Variants in TAOK2 observed in about 807,000 individuals in gnomAD.
The protein encoded by TAOK2 is serine/threonine-protein kinase TAO2.
TAOK2 carries 42 observed loss-of-function variants against 122.5 expected under a neutral mutation model. The observed-to-expected ratio is 0.34, with a 90% CI of 0.27 to 0.44. The LOEUF (loss-of-function observed/expected upper bound fraction) is 0.44, where lower values mean the gene tolerates loss of function less well. TAOK2 is among the 20% of genes least tolerant of loss of function. TAOK2 has a pLI of 1.00. For missense variants in TAOK2, 1,264 were observed against 1,644.9 expected, an observed-to-expected ratio of 0.77 and a Z score of 4.01; for synonymous variants, 704 against 677.6, an observed-to-expected ratio of 1.04 and a Z score of -0.61.
chr16:29,991,023 T>C, downstream of TAOK2: 1 of 1,582,274 alleles, frequency 6.3e-7, no homozygotes, highest in Non-Finnish European at 8.6e-7. This position sits in a 1 kb window ranked among gnomAD's most constrained non-coding sequence, Gnocchi z 5.6. Context: ...CCCCCGACTC[T>C]AACCTCTGTT....
At chr16:29,990,389 C>T (rs1292376488), downstream of TAOK2, 2 of 165,868 alleles carry the variant, frequency 1.2e-5, no homozygotes, top group South Asian at 1.9e-4. Flanking sequence ...TCATACTTTA[C>T]ATTTACTTTC....
chr16:29,983,535 G>A lies in TAOK2; in HGVS notation c.1293G>A (p.Gln431=). ...GSDNLYDDPY[Q]PEITPSPLQP... is the part of the protein sequence containing the mutation. ...ACAACCTATATGATGACCCCTACCA[G>A]CCAGAGATAACCCCCAGCCCTCTCC... Residue 431 remains glutamine (Q), a synonymous_variant, in exon 13 of 16, where the codon CAG becomes CAA. Coordinates refer to ENST00000308893, the MANE Select transcript of TAOK2 (RefSeq NM_016151.4). The A allele has an allele frequency of 6.2e-7, 1 of 1,613,370 alleles. No individual in the cohort carries two copies. The highest frequency in any genetic ancestry group is 1.3e-5 in the African/African-American group (1 of 74,928).
At chr16:29,976,306 G>C (rs2069451873) in intron 1 of TAOK2, among the ~76,000 whole-genome samples, 1 of 152,150 alleles carries the variant, frequency 6.6e-6, no homozygotes, top group African/African-American at 2.4e-5. Context: ...GCGAGCTGCT[G>C]AGGGCTGAGC....
In TAOK2 at chr16:29,979,582, C is replaced by G. The variant is rs2069557122; in HGVS notation, c.655+74C>G. On this transcript the variant is annotated intron_variant, in intron 8 of 15. Coordinates refer to ENST00000308893, the MANE Select transcript of TAOK2 (RefSeq NM_016151.4). This position sits in a 1 kb window ranked among gnomAD's most constrained non-coding sequence, Gnocchi z 4.1. ...TTAGTTCCCAGACTCCGGACTACCCCCTTCTCCTAGGGATGGGATCCCAGG... is the reference window on the plus strand; with the variant it reads ...TTAGTTCCCAGACTCCGGACTACCCGCTTCTCCTAGGGATGGGATCCCAGG... 2.4e-6 allele frequency: 3 copies of G among 1,238,096 alleles called. No individual in the cohort carries two copies. The highest frequency in any genetic ancestry group is 5.3e-5 in the East Asian group (2 of 37,474). The allele number at this position is 1,238,096 out of a possible 1,614,324, so 76.7% of individuals were successfully genotyped here. A position where few individuals can be genotyped will look rare whatever the true frequency, so the allele number is the denominator to read the frequency against.
chr16:29,986,530 G>A lies in TAOK2; in HGVS notation c.2258G>A (p.Gly753Asp), dbSNP rs754317954. ...LKVRAGQRPP[G>D]LPLPIPGALG... Reference sequence around the variant, plus strand: ...GTACGTGCAGGCCAGCGCCCCCCGGGCCTTCCACTCCCCATTCCTGGGGCT... The same window carrying A: ...GTACGTGCAGGCCAGCGCCCCCCGGACCTTCCACTCCCCATTCCTGGGGCT... The change falls in exon 16 of 16, where the codon GGC becomes GAC. Residue 753 changes from glycine (G) to aspartate (D), a missense_variant. Coordinates refer to ENST00000308893, the MANE Select transcript of TAOK2 (RefSeq NM_016151.4). The surrounding 1 kb of genome is among the most constrained non-coding windows in gnomAD (Gnocchi z 4.2). The A allele has an allele frequency of 6.2e-7, 1 of 1,611,862 alleles. No homozygotes were observed. The highest frequency in any genetic ancestry group is 8.5e-7 in the Non-Finnish European group (1 of 1,178,962).
Position 29,987,140 on chromosome 16 carries a change from C to G in TAOK2, c.2868C>G (p.Ser956=). The G allele has an allele frequency of 6.3e-7, 1 of 1,588,740 alleles. No individual in the cohort carries two copies. The highest frequency in any genetic ancestry group is 8.5e-7 in the Non-Finnish European group (1 of 1,170,080). ...LLSHGLLAGL[S]FAVGSSSGLL... ...CCCATGGCCTCCTGGCCGGCCTCTCCTTTGCAGTGGGGTCCTCCTCTGGCC... is the reference window on the plus strand; with the variant it reads ...CCCATGGCCTCCTGGCCGGCCTCTCGTTTGCAGTGGGGTCCTCCTCTGGCC... The change falls in exon 16 of 16, where the codon TCC becomes TCG. Residue 956 remains serine, a synonymous_variant. Coordinates refer to ENST00000308893, the MANE Select transcript of TAOK2 (RefSeq NM_016151.4).
At chr16:29,992,097 T>C (rs1567257200), downstream of TAOK2, 1 of 151,600 alleles carries the variant, frequency 6.6e-6, no homozygotes, top group Non-Finnish European at 1.5e-5. Context: ...TATCTTTTTT[T>C]TTTTTTTTTT....
intron 10 of TAOK2, among the ~76,000 whole-genome samples, chr16:29,982,141 C>T (rs1306380299): frequency 6.6e-6 from 1 of 152,188 alleles, no homozygotes; most frequent in Non-Finnish European, 1.5e-5. Context: ...AAGTAATAAA[C>T]TGTTTTCCCT....
At position 29,977,826 on chromosome 16, in the gene TAOK2, C is replaced by T; in HGVS notation, c.54C>T (p.Leu18=). 1 of 1,614,194 alleles carries T rather than the reference C, an allele frequency of 6.2e-7. No individual in the cohort carries two copies. Among genetic ancestry groups the T allele is most frequent in the Middle Eastern group, 1.6e-4 (1 of 6,062 alleles). The change falls in exon 2 of 16, where the codon CTC becomes CTT. Residue 18 remains leucine (L), a synonymous_variant. Coordinates refer to ENST00000308893, the MANE Select transcript of TAOK2 (RefSeq NM_016151.4). ...TGAAGGACCCAGATGTGGCTGAGCT[C>T]TTCTTCAAGGATGACCCAGAAAAGC... is the stretch of plus-strand genomic sequence containing the variant. ...GSLKDPDVAE[L]FFKDDPEKLF...
intron 11 of TAOK2, 46 bp downstream of exon 11, chr16:29,982,947 C>G: frequency 6.2e-7 from 1 of 1,608,124 alleles, no homozygotes; most frequent in Non-Finnish European, 8.5e-7. Context: ...CCATGTGTGC[C>G]TGCCCCCTGC....
At chr16:29,981,566 G>T (rs2069616200) in intron 8 of TAOK2, 95 bp from the exon 9 acceptor site, 1 of 1,096,386 alleles carries the variant, frequency 9.1e-7, no homozygotes, top group Middle Eastern at 2.0e-4. Flanking sequence ...GGAAGTCAAG[G>T]AATTGGGGTT....
rs371958190 is a variant in TAOK2 at position 29,983,087 on chromosome 16, A to G, written c.1015A>G (p.Met339Val). Residue 339 changes from methionine (M) to valine (V), a missense_variant, in exon 12 of 16, where the codon ATG (methionine) becomes GTG (valine). Met to Val is a conservative substitution (Grantham distance 21). This residue lies in a region of TAOK2 where 254 missense variants were observed against 503.8 expected (regional missense o/e 0.50). Transcript: ENST00000308893. ...CTGTTCGCAGGAGGCCGAGCCCTAC[A>G]TGCACCGGGCCGGGACTCTGACCAG... is the stretch of plus-strand genomic sequence containing the variant. Reference protein sequence around the residue: ...PEEEEEAEPYMHRAGTLTSLE... With the variant: ...PEEEEEAEPYVHRAGTLTSLE... 3.1e-6 allele frequency: 5 copies of G among 1,613,894 alleles called. No individual in the cohort carries two copies. The highest frequency in any genetic ancestry group is 1.6e-4 in the Middle Eastern group (1 of 6,062).
At chr16:29,989,482 C>A, downstream of TAOK2, 1 of 1,542,088 alleles carries the variant, frequency 6.5e-7, no homozygotes, top group Non-Finnish European at 8.8e-7. Context: ...CTCCTCTCCT[C>A]TTCTCTCTCT....
Position 29,985,767 on chromosome 16 carries a change from G to A in TAOK2, c.1898G>A (p.Arg633Gln), listed in dbSNP as rs774884028. Residue 633 changes from arginine to glutamine, a missense_variant, in exon 15 of 16, where the codon CGG (arginine) becomes CAG (glutamine). Coordinates refer to ENST00000308893, the MANE Select transcript of TAOK2 (RefSeq NM_016151.4). This position sits in a 1 kb window ranked among gnomAD's most constrained non-coding sequence, Gnocchi z 6.9. ...GCGGAGGAGGAAGCAGGGCTGCTGC[G>A]GCGGCAGCGCCAGTACTTTGAGCTG... ...CQAEEEAGLL[R>Q]RQRQYFELQC... is the part of the protein sequence containing the mutation. 5.0e-6 allele frequency: 8 copies of A among 1,611,092 alleles called. No homozygotes were observed. The South Asian group carries it at 5.5e-5, about 11-fold the overall frequency.
intron 9 of TAOK2, 43 bp from the exon 10 acceptor site, chr16:29,981,816 T>G (rs1477893982): frequency 6.2e-7 from 1 of 1,605,460 alleles, no homozygotes; most frequent in East Asian, 2.2e-5. Context: ...GATGCCTGAC[T>G]CATGCCTTCC....
Position 29,981,569 on chromosome 16 carries a change from T to C in TAOK2, c.656-92T>C, listed in dbSNP as rs186926583. ...GTCATGTGGCAAGGAAGTCAAGGAATTGGGGTTTGAACCCAAGTCGTCTCA... is the reference window on the plus strand; with the variant it reads ...GTCATGTGGCAAGGAAGTCAAGGAACTGGGGTTTGAACCCAAGTCGTCTCA... On this transcript the variant is annotated intron_variant, in intron 8 of 15. Transcript: ENST00000308893. 1.4e-4 allele frequency: 161 copies of C among 1,131,412 alleles called. No homozygotes were observed. The East Asian group carries it at 3.7e-3, about 26-fold the overall frequency. 70.1% of individuals were successfully genotyped at this position (1,131,412 alleles called of 1,614,324 possible). A position where few individuals can be genotyped will look rare whatever the true frequency, so the allele number is the denominator to read the frequency against.
intron 10 of TAOK2, 76 bp from the exon 11 acceptor site, chr16:29,982,658 C>A: frequency 6.4e-7 from 1 of 1,556,412 alleles, no homozygotes; most frequent in Non-Finnish European, 8.7e-7. Flanking sequence ...TGCCTCAGGC[C>A]TGAGGGAATG....
At position 29,987,300 on chromosome 16, in the gene TAOK2, C is replaced by T; in HGVS notation, c.3028C>T (p.Leu1010=). ...GASYLLLCTA[L]HLPSSLFLLL... Reference sequence around the variant, plus strand: ...CTCCTACCTGCTCCTTTGTACAGCCCTGCACCTGCCCTCCAGTCTTTTCCT... The same window carrying T: ...CTCCTACCTGCTCCTTTGTACAGCCTTGCACCTGCCCTCCAGTCTTTTCCT... The change falls in exon 16 of 16, where the codon CTG becomes TTG. Residue 1010 remains leucine, a synonymous_variant. Transcript: ENST00000308893. 2 of 1,527,580 alleles carry T rather than the reference C, an allele frequency of 1.3e-6. No individual in the cohort carries two copies. Among genetic ancestry groups the T allele is most frequent in the Middle Eastern group, 1.8e-4 (1 of 5,488 alleles). The allele number at this position is 1,527,580 out of a possible 1,614,324, so 94.6% of individuals were successfully genotyped here. A position where few individuals can be genotyped will look rare whatever the true frequency, so the allele number is the denominator to read the frequency against.
chr16:29,989,529 TTCC>T (rs2069915658), downstream of TAOK2: 8 of 1,602,392 alleles, frequency 5.0e-6, no homozygotes, highest in Admixed American at 1.7e-5. Context: ...CCTCTTCCTC[TTCC>T]TCCTCTTCCT....
Sources: gnomAD v4.1 joint callset for allele counts (sites outside exome capture counted in the v4.1 genomes callset) on GRCh38, gnomAD v4.1.1 for gene constraint, gnomAD v4.1.1 regional missense constraint, Gnocchi (gnomAD v3.1) non-coding constraint, MANE v1.5 for transcripts, NCBI Gene and HGNC (gene_info 2026-07-23, HGNC 2026-07-21) for gene names.